Variants in CSMD1 observed in about 807,000 individuals in gnomAD.
CSMD1 encodes the protein CUB and sushi domain-containing protein 1.
Under a neutral mutation model 417.5 loss-of-function variants are expected in CSMD1, and 213 were observed. The ratio of observed to expected loss-of-function variants is 0.51; its 90% confidence interval spans 0.46 to 0.57. The LOEUF (loss-of-function observed/expected upper bound fraction) is 0.57. Ranked by LOEUF, CSMD1 falls within the 20% of genes least tolerant of loss-of-function variation. CSMD1 has a pLI of 0.00. For missense variants in CSMD1, 6,923 were observed against 4,529.7 expected, an observed-to-expected ratio of 1.53 and a Z score of -15.17; for synonymous variants, 2,862 against 1,736.8, an observed-to-expected ratio of 1.65 and a Z score of -16.11.
At chr8:3,767,257 A>C (rs539807924) in intron 5 of CSMD1, among the ~76,000 whole-genome samples, 2 of 152,316 alleles carry the variant, frequency 1.3e-5, no homozygotes, top group South Asian at 4.2e-4. Context: ...TCTTTTATGA[A>C]AACCAGCCGC....
chr8:4,974,878 C>G (rs773973276), intron 1 of CSMD1, among the ~76,000 whole-genome samples: 15 of 151,994 alleles, frequency 9.9e-5, no homozygotes, highest in Non-Finnish European at 2.1e-4. Context: ...ACTGTATCAA[C>G]TTTCACACAA....
At chr8:4,940,469 G>A (rs1256516330) in intron 1 of CSMD1, among the ~76,000 whole-genome samples, 2 of 152,120 alleles carry the variant, frequency 1.3e-5, no homozygotes, top group Admixed American at 1.3e-4. Context: ...AGTTGGGAAG[G>A]GCATGGTCTG....
intron 10 of CSMD1, among the ~76,000 whole-genome samples, chr8:3,535,243 G>A (rs200122593): frequency 9.2e-5 from 14 of 152,194 alleles, no homozygotes; most frequent in East Asian, 3.9e-4. Context: ...ATGAGCCACC[G>A]CACCCAGCCA....
chr8:4,877,712 C>G (rs1475031725), intron 1 of CSMD1, among the ~76,000 whole-genome samples: 3 of 152,020 alleles, frequency 2.0e-5, no homozygotes, highest in Non-Finnish European at 2.9e-5. Flanking sequence ...TCCATATTAT[C>G]TTTAAAGAGG....
At chr8:4,623,269 A>T (rs1801884850) in intron 2 of CSMD1, among the ~76,000 whole-genome samples, 1 of 152,140 alleles carries the variant, frequency 6.6e-6, no homozygotes, top group Non-Finnish European at 1.5e-5. Flanking sequence ...GGGAAATGCA[A>T]ATTCACATCA....
At chr8:4,129,564 G>A (rs924593756) in intron 3 of CSMD1, among the ~76,000 whole-genome samples, 1 of 130,894 alleles carries the variant, frequency 7.6e-6, no homozygotes, top group African/African-American at 2.9e-5. Context: ...GAATATTTTA[G>A]GTTATTTACT....
chr8:3,903,964 A>C (rs1807941982), intron 5 of CSMD1, among the ~76,000 whole-genome samples: 1 of 151,928 alleles, frequency 6.6e-6, no homozygotes, highest in African/African-American at 2.4e-5. Flanking sequence ...TTAAACCTGG[A>C]ATACCTTGTT....
At chr8:4,756,654 G>C (rs890892516) in intron 1 of CSMD1, among the ~76,000 whole-genome samples, 3 of 152,112 alleles carry the variant, frequency 2.0e-5, no homozygotes, top group Non-Finnish European at 4.4e-5. Flanking sequence ...TCGCCCTGGA[G>C]GATCAGAAAA....
chr8:3,454,441 T>A (rs918752765), intron 12 of CSMD1, among the ~76,000 whole-genome samples: 1 of 152,240 alleles, frequency 6.6e-6, no homozygotes, highest in African/African-American at 2.4e-5. Flanking sequence ...GTTTTTGCAG[T>A]GGCTGGTACC....
At chr8:3,242,469 C>G (rs1329951702) in intron 26 of CSMD1, among the ~76,000 whole-genome samples, 1 of 152,036 alleles carries the variant, frequency 6.6e-6, no homozygotes, top group Non-Finnish European at 1.5e-5. Context: ...CGTCAGGCAC[C>G]TCAGACCATT....
chr8:3,033,408 T>A (rs75459557), intron 50 of CSMD1, among the ~76,000 whole-genome samples: 4,012 of 152,206 alleles, frequency 0.026, 189 homozygotes, highest in African/African-American at 0.091. Flanking sequence ...CAAGCTGTAG[T>A]ATCAATTGTA....
At chr8:3,468,599 T>C in intron 12 of CSMD1, 113 bp downstream of exon 12, 1 of 610,348 alleles carries the variant, frequency 1.6e-6, no homozygotes, top group Non-Finnish European at 2.9e-6. Flanking sequence ...TGATTCCTAT[T>C]TATCAGCATT....
intron 10 of CSMD1, among the ~76,000 whole-genome samples, chr8:3,499,934 C>A (rs116431612): frequency 6.6e-6 from 1 of 152,040 alleles, no homozygotes; most frequent in Non-Finnish European, 1.5e-5. Context: ...GTTCTCTCCC[C>A]GGAGCAAAAC....
intron 3 of CSMD1, among the ~76,000 whole-genome samples, chr8:4,213,090 T>A (rs185686851): frequency 3.3e-5 from 5 of 152,128 alleles, no homozygotes; most frequent in Non-Finnish European, 7.4e-5. Flanking sequence ...TGGAAGAATA[T>A]AGATGCTTCA....
At position 3,146,476 on chromosome 8, in the gene CSMD1, T is replaced by C. The variant is rs563200484; in HGVS notation, c.6032-3802A>G. On this transcript the variant is annotated intron_variant, in intron 40 of 69. Coordinates refer to ENST00000635120, the MANE Select transcript of CSMD1 (RefSeq NM_033225.6). ...TCAAAATAGCCCTATGGGACTGATA[T>C]ATTATATTCCCTTTAAAAATAAGGA... Among the ~76,000 whole-genome samples the C allele has an allele frequency of 7.2e-5, 11 of 152,274 alleles. No individual in the cohort carries two copies. In the South Asian group the frequency reaches 1.9e-3, roughly 26 times the overall value.
intron 3 of CSMD1, among the ~76,000 whole-genome samples, chr8:4,171,575 G>T (rs1413786879): frequency 6.6e-6 from 1 of 151,464 alleles, no homozygotes; most frequent in African/African-American, 2.4e-5. Flanking sequence ...GTGATACGTT[G>T]CCAAATACTA....
intron 1 of CSMD1, among the ~76,000 whole-genome samples, chr8:4,945,889 G>A (rs1300529495): frequency 6.6e-6 from 1 of 152,288 alleles, no homozygotes; most frequent in African/African-American, 2.4e-5. Context: ...AGAAACTCCT[G>A]AATAATAGCA....
intron 7 of CSMD1, among the ~76,000 whole-genome samples, chr8:3,635,071 T>C (rs1273389582): frequency 2.0e-5 from 3 of 152,086 alleles, no homozygotes; most frequent in Non-Finnish European, 4.4e-5. Context: ...GGGATGCCTA[T>C]ATAAGATACT....
intron 2 of CSMD1, among the ~76,000 whole-genome samples, chr8:4,614,550 T>C (rs1291505791): frequency 1.3e-5 from 2 of 152,134 alleles, no homozygotes; most frequent in African/African-American, 4.8e-5. Context: ...AGCGGAAGTA[T>C]CTAGAACTTA....
Sources: gnomAD v4.1 joint callset for allele counts (sites outside exome capture counted in the v4.1 genomes callset) on GRCh38, gnomAD v4.1.1 for gene constraint, MANE v1.5 for transcripts, NCBI Gene and HGNC (gene_info 2026-07-23, HGNC 2026-07-21) for gene names.